The following CNTNAP5 variants were observed in gnomAD, a reference collection of about 807,000 sequenced individuals.
CNTNAP5 encodes contactin-associated protein-like 5.
A neutral mutation model predicts 150.2 loss-of-function variants in CNTNAP5; 72 were observed. That is an observed-to-expected ratio of 0.48 (90% CI 0.40 to 0.58). CNTNAP5 has a LOEUF of 0.58. Among genes scored for constraint, CNTNAP5 ranks in the 20% least tolerant of loss-of-function variants. The probability of loss-of-function intolerance (pLI) is 0.00; values close to 1 mark genes in which losing one functional copy is unlikely to be tolerated. For missense variants in CNTNAP5, 1,636 were observed against 1,626.2 expected, an observed-to-expected ratio of 1.01 and a Z score of -0.10; for synonymous variants, 672 against 619.8, an observed-to-expected ratio of 1.08 and a Z score of -1.25.
intron 13 of CNTNAP5, among the ~76,000 whole-genome samples, chr2:124,681,217 G>A (rs1437937047): frequency 3.4e-5 from 5 of 148,104 alleles, no homozygotes; most frequent in Admixed American, 7.7e-5. Context: ...CAGGAGAATC[G>A]CTTGCACCTG....
At chr2:124,308,781 A>C (rs1160195723) in intron 3 of CNTNAP5, among the ~76,000 whole-genome samples, 3 of 152,234 alleles carry the variant, frequency 2.0e-5, no homozygotes, top group African/African-American at 7.2e-5. Context: ...TGTTACACTG[A>C]AAAATTATCT....
chr2:124,441,935 G>T (rs564793088), intron 5 of CNTNAP5, among the ~76,000 whole-genome samples: 10 of 116,098 alleles, frequency 8.6e-5, no homozygotes, highest in African/African-American at 2.3e-4. Flanking sequence ...TTGAGGAAAG[G>T]TCAACAAATT....
At chr2:124,175,205 A>C (rs572677461) in intron 1 of CNTNAP5, among the ~76,000 whole-genome samples, 1 of 135,712 alleles carries the variant, frequency 7.4e-6, no homozygotes, top group Non-Finnish European at 1.6e-5. Flanking sequence ...GGGCATGTAT[A>C]CATCACACAA....
intron 16 of CNTNAP5, among the ~76,000 whole-genome samples, chr2:124,766,531 T>C (rs1351379677): frequency 3.9e-5 from 6 of 152,176 alleles, no homozygotes; most frequent in Non-Finnish European, 7.3e-5. Context: ...TCTTAATTGG[T>C]AGTTTTAACC....
chr2:124,136,092 A>G (rs570359213), intron 1 of CNTNAP5, among the ~76,000 whole-genome samples: 1 of 152,266 alleles, frequency 6.6e-6, no homozygotes, highest in South Asian at 2.1e-4. Context: ...GTGATGTCCA[A>G]TTTCCAATTA....
chr2:124,617,277 C>G (rs1450802251), intron 12 of CNTNAP5, among the ~76,000 whole-genome samples: 1 of 151,922 alleles, frequency 6.6e-6, no homozygotes, highest in Non-Finnish European at 1.5e-5. Flanking sequence ...TATGCTTGAA[C>G]CAGAGACTGG....
At position 124,511,985 on chromosome 2, in the gene CNTNAP5, C is replaced by G. The variant is rs145285452; in HGVS notation, c.1327+7429C>G. Among the ~76,000 whole-genome samples the G allele has an allele frequency of 3.8e-4, 57 of 149,256 alleles. 1 individual carries two copies. In the East Asian group the frequency reaches 9.2e-3, roughly 24 times the overall value. On this transcript the variant is annotated intron_variant, in intron 8 of 23. Transcript: ENST00000682447. Reference sequence around the variant, plus strand: ...TGTATATGTGTGTGTGTGCGCACATCTATGTTGGTAGGAGGGTTAACAAAA... The same window carrying G: ...TGTATATGTGTGTGTGTGCGCACATGTATGTTGGTAGGAGGGTTAACAAAA...
rs138935151 is a variant in CNTNAP5, at chr2:124,912,628, A to G, written c.3727+1090A>G. On this transcript the variant is annotated intron_variant, in intron 23 of 23. Coordinates refer to ENST00000682447, the MANE Select transcript of CNTNAP5 (RefSeq NM_001367498.1). ...TGGACCACCTTAATTTTTGTTTGGC[A>G]TAGAGAAATGTGGGAAAGAATTTTG... 2.8e-3 allele frequency among the ~76,000 whole-genome samples: 419 copies of G among 152,244 alleles called. 1 individual carries two copies. Among genetic ancestry groups the G allele is most frequent in the Non-Finnish European group, 3.1e-3 (214 of 67,992 alleles).
At chr2:124,180,197 C>T (rs1685177675) in intron 1 of CNTNAP5, among the ~76,000 whole-genome samples, 1 of 152,100 alleles carries the variant, frequency 6.6e-6, no homozygotes, top group Non-Finnish European at 1.5e-5. Context: ...GCCTGCATGG[C>T]TGAGATGACT....
At chr2:124,894,005 T>C (rs910025905) in intron 21 of CNTNAP5, among the ~76,000 whole-genome samples, 3 of 152,150 alleles carry the variant, frequency 2.0e-5, no homozygotes, top group Non-Finnish European at 2.9e-5. Context: ...TTTAAACACA[T>C]ACATCATATG....
chr2:124,237,632 T>C (rs1306807341), intron 2 of CNTNAP5, among the ~76,000 whole-genome samples: 1 of 151,432 alleles, frequency 6.6e-6, no homozygotes, highest in East Asian at 1.9e-4. Flanking sequence ...AGATCAGGAG[T>C]TCGAGAGCAG....
chr2:124,458,238 T>C (rs1425755575), intron 6 of CNTNAP5, among the ~76,000 whole-genome samples: 3 of 146,740 alleles, frequency 2.0e-5, no homozygotes, highest in East Asian at 2.0e-4. Context: ...ATATATATTA[T>C]ATATAATATA....
At chr2:124,556,144 A>T (rs1315053822) in intron 10 of CNTNAP5, among the ~76,000 whole-genome samples, 1 of 152,166 alleles carries the variant, frequency 6.6e-6, no homozygotes, top group African/African-American at 2.4e-5. Flanking sequence ...ATGATCTGGC[A>T]TTTGTTTGAA....
intron 10 of CNTNAP5, among the ~76,000 whole-genome samples, chr2:124,529,920 C>T (rs1695065232): frequency 6.6e-6 from 1 of 152,176 alleles, no homozygotes; most frequent in Non-Finnish European, 1.5e-5. Context: ...GGATCCCGCC[C>T]TGCCAGCTTT....
chr2:124,372,046 C>T (rs938442548), intron 3 of CNTNAP5, among the ~76,000 whole-genome samples: 1 of 151,980 alleles, frequency 6.6e-6, no homozygotes, highest in Non-Finnish European at 1.5e-5. Context: ...CACCCTAAAC[C>T]TGGATGGGCA....
intron 3 of CNTNAP5, among the ~76,000 whole-genome samples, chr2:124,257,977 A>T (rs907703932): frequency 1.3e-5 from 2 of 152,162 alleles, no homozygotes; most frequent in Non-Finnish European, 2.9e-5. Context: ...CATGCAATTG[A>T]TGCATTTGCT....
intron 21 of CNTNAP5, among the ~76,000 whole-genome samples, chr2:124,897,667 A>G (rs1678333330): frequency 6.6e-6 from 1 of 151,500 alleles, no homozygotes; most frequent in African/African-American, 2.4e-5. Context: ...CTTATGAACA[A>G]TCCATACCTA....
intron 3 of CNTNAP5, among the ~76,000 whole-genome samples, chr2:124,331,577 G>C (rs1689349868): frequency 6.6e-6 from 1 of 151,452 alleles, no homozygotes; most frequent in African/African-American, 2.4e-5. Flanking sequence ...TTGTATTTTG[G>C]AATTTTTTTT....
chr2:124,152,350 T>G (rs953085261), intron 1 of CNTNAP5, among the ~76,000 whole-genome samples: 1 of 152,196 alleles, frequency 6.6e-6, no homozygotes, highest in Non-Finnish European at 1.5e-5. Context: ...ATTTCTTATA[T>G]GGTAGATTGT....
Sources: allele counts gnomAD v4.1 joint callset (sites outside exome capture counted in the v4.1 genomes callset), GRCh38; gene constraint gnomAD v4.1.1; transcripts MANE v1.5; gene names NCBI Gene and HGNC (gene_info 2026-07-23, HGNC 2026-07-21).